Variants in ADGRB1 observed in about 807,000 individuals in gnomAD.
The protein encoded by ADGRB1 is brain-specific angiogenesis inhibitor 1.
ADGRB1 carries 36 observed loss-of-function variants against 175.7 expected under a neutral mutation model. The observed-to-expected ratio is 0.20, with a 90% confidence interval of 0.16 to 0.27. ADGRB1 has a LOEUF of 0.27. Among genes scored for constraint, ADGRB1 ranks in the 10% least tolerant of loss-of-function variants. The pLI is 1.00. For synonymous variants in ADGRB1, 1,054 were observed against 979.4 expected (o/e 1.08, Z -1.42); for missense variants, 1,731 against 2,255.3 (o/e 0.77, Z 4.71).
chr8:142,453,899 G>C (rs1839506032), intron 1 of ADGRB1, among the ~76,000 whole-genome samples: 1 of 152,184 alleles, frequency 6.6e-6, no homozygotes, highest in Admixed American at 6.5e-5. Flanking sequence ...GCAGAAGGAA[G>C]AGCCGGCAGT....
intron 2 of ADGRB1, among the ~76,000 whole-genome samples, chr8:142,469,365 G>A (rs1840474003): frequency 6.6e-6 from 1 of 151,782 alleles, no homozygotes; most frequent in Non-Finnish European, 1.5e-5. Context: ...ATGTGCACGT[G>A]CATGTGTGTG....
intron 23 of ADGRB1, 39 bp from the exon 24 acceptor site, chr8:142,526,503 G>GGCCCCCCCCCCCCC: frequency 2.9e-5 from 36 of 1,259,014 alleles, no homozygotes; most frequent in East Asian, 8.0e-5. Context: ...GCCTACGGCG[G>GGCCCCCCCCCCCCC]CCCCCACCCC....
intron 2 of ADGRB1, among the ~76,000 whole-genome samples, chr8:142,472,304 C>G (rs1047763424): frequency 1.3e-5 from 2 of 152,172 alleles, no homozygotes; most frequent in African/African-American, 4.8e-5. Context: ...CCCTGGGTGG[C>G]CAGGCTGCCT....
chr8:142,533,072 G>A (rs1407151418), intron 24 of ADGRB1, among the ~76,000 whole-genome samples: 3 of 152,124 alleles, frequency 2.0e-5, no homozygotes, highest in Admixed American at 1.3e-4. Flanking sequence ...GACAGGATTG[G>A]GGGAGTCCTG....
At position 142,524,314 on chromosome 8, in the gene ADGRB1, C is replaced by G; in HGVS notation, c.3312+10C>G. On this transcript the variant is annotated intron_variant, in intron 23 of 30. Transcript: ENST00000517894. ...CGCTGCCGTTGTGCTGGTACTGACC[C>G]GCCCAGGCCCCACTCCCCACGACCC... 2 of 1,586,716 alleles carry G rather than the reference C, an allele frequency of 1.3e-6. No homozygotes were observed. The highest frequency in any genetic ancestry group is 1.7e-6 in the Non-Finnish European group (2 of 1,172,514).
intron 1 of ADGRB1, among the ~76,000 whole-genome samples, chr8:142,452,049 G>T (rs1587228586): frequency 6.6e-6 from 1 of 152,186 alleles, no homozygotes; most frequent in South Asian, 2.1e-4. Flanking sequence ...GCAGCCCGCC[G>T]AGTCAGTCCC....
At chr8:142,521,065 C>G (rs1419273410) in intron 20 of ADGRB1, 140 bp downstream of exon 20, 1 of 779,638 alleles carries the variant, frequency 1.3e-6, no homozygotes, top group African/African-American at 1.7e-5. Context: ...GCCCCAGCTA[C>G]AGGGAGTTCC....
In ADGRB1 at chr8:142,464,105, GCCGGCCCTGCCCGCC is replaced by G; in HGVS notation, c.-93_-79del. Reference sequence around the variant, plus strand: ...TGCCCCGCCTCCCTGCCCCCACCGGGCCGGCCCTGCCCGCCGCCGGACCCTGGCATGTCAAGACCT... The same window carrying G: ...TGCCCCGCCTCCCTGCCCCCACCGGGGCCGGACCCTGGCATGTCAAGACCT... On this transcript the variant is annotated 5_prime_UTR_variant, in exon 2 of 31. Coordinates refer to ENST00000517894, the MANE Select transcript of ADGRB1 (RefSeq NM_001702.3). 4.6e-6 allele frequency: 5 copies of G among 1,098,034 alleles called. No homozygotes were observed. Among genetic ancestry groups the G allele is most frequent in the Non-Finnish European group, 5.7e-6 (5 of 874,968 alleles). 68.0% of individuals were successfully genotyped at this position (1,098,034 alleles called of 1,614,324 possible). A position where few individuals can be genotyped will look rare whatever the true frequency, so the allele number is the denominator to read the frequency against.
In ADGRB1 at chr8:142,483,368, G is replaced by GCTGAGCCCTGACCCTGGTCACACC. The variant is rs1841480972; in HGVS notation, c.2131-596_2131-573dup. Reference sequence around the variant, plus strand: ...CACTGAGCCCTGACCCTGGTCACACGCTGAGCCCTGACCCTGGTCACACCC... The same window carrying GCTGAGCCCTGACCCTGGTCACACC: ...CACTGAGCCCTGACCCTGGTCACACGCTGAGCCCTGACCCTGGTCACACCCTGAGCCCTGACCCTGGTCACACCC... On this transcript the variant is annotated intron_variant, in intron 11 of 30. Transcript: ENST00000517894. Among the ~76,000 whole-genome samples, 4 of 58,336 alleles carry GCTGAGCCCTGACCCTGGTCACACC rather than the reference G, an allele frequency of 6.9e-5. No homozygotes were observed. The Admixed American group carries it at 7.8e-4, about 11-fold the overall frequency. The allele number at this position is 58,336 out of a possible 152,430, so 38.3% of individuals were successfully genotyped here.
intron 17 of ADGRB1, among the ~76,000 whole-genome samples, chr8:142,506,506 G>A (rs1269515122): frequency 6.6e-6 from 1 of 152,208 alleles, no homozygotes; most frequent in Non-Finnish European, 1.5e-5. Context: ...AGGGGACCTC[G>A]CTCTGTGACC....
At chr8:142,459,205 GA>G (rs2131643031) in intron 1 of ADGRB1, among the ~76,000 whole-genome samples, 1 of 152,346 alleles carries the variant, frequency 6.6e-6, no homozygotes, top group African/African-American at 2.4e-5. Flanking sequence ...GATGAGGCTG[GA>G]AAAGCCTGCT....
At chr8:142,529,440 CAA>C (rs945294453) in intron 24 of ADGRB1, among the ~76,000 whole-genome samples, 33 of 152,260 alleles carry the variant, frequency 2.2e-4, no homozygotes, top group African/African-American at 7.9e-4. Context: ...GGTGTGCTCT[CAA>C]GTGTACTGAG....
Position 142,481,520 on chromosome 8 carries a change from C to T in ADGRB1, c.1939C>T (p.Arg647Trp), listed in dbSNP as rs775137279. 7 of 1,577,576 alleles carry T rather than the reference C, an allele frequency of 4.4e-6. No individual in the cohort carries two copies. The highest frequency in any genetic ancestry group is 2.7e-5 in the African/African-American group (2 of 74,086). Reference protein sequence around the residue: ...IDYRNIQMMTREHLAKAQRGL... With the variant: ...IDYRNIQMMTWEHLAKAQRGL... ...CCGCCCTCTCTGTCTTCCGCAGACCCGGGAGCACCTGGCCAAGGCTCAGCG... is the reference window on the plus strand; with the variant it reads ...CCGCCCTCTCTGTCTTCCGCAGACCTGGGAGCACCTGGCCAAGGCTCAGCG... The change falls in exon 11 of 31, where the codon CGG becomes TGG. Residue 647 changes from arginine to tryptophan, a missense_variant. This residue lies in a region of ADGRB1 where 388 missense variants were observed against 630.9 expected (regional missense o/e 0.61). Coordinates refer to ENST00000517894, the MANE Select transcript of ADGRB1 (RefSeq NM_001702.3).
chr8:142,488,894 C>T, intron 14 of ADGRB1, 141 bp from the exon 15 acceptor site: 1 of 1,052,622 alleles, frequency 9.5e-7, no homozygotes, highest in Non-Finnish European at 1.4e-6. Context: ...GGTGGGTGGG[C>T]CTCACCATCC....
intron 17 of ADGRB1, among the ~76,000 whole-genome samples, chr8:142,494,126 C>T (rs1294916722): frequency 3.3e-5 from 5 of 152,270 alleles, no homozygotes; most frequent in African/African-American, 1.2e-4. Context: ...TCACCATCAG[C>T]TGAGAAGTAG....
chr8:142,503,331 T>C (rs144323056), intron 17 of ADGRB1, among the ~76,000 whole-genome samples: 25 of 151,982 alleles, frequency 1.6e-4, no homozygotes, highest in East Asian at 9.7e-4. Flanking sequence ...TGGGATCTGC[T>C]AGAGCCAGGG....
At chr8:142,466,701 G>A (rs1840295735) in intron 2 of ADGRB1, among the ~76,000 whole-genome samples, 1 of 152,202 alleles carries the variant, frequency 6.6e-6, no homozygotes, top group Admixed American at 6.5e-5. Context: ...GAGTGTCAGG[G>A]GGACTGGGGA....
chr8:142,477,128 G>C lies in ADGRB1; in HGVS notation c.1072G>C (p.Glu358Gln). The change falls in exon 5 of 31, where the codon GAG becomes CAG. Residue 358 changes from glutamate (E) to glutamine (Q), a missense_variant. Glu to Gln is a conservative substitution (Grantham distance 29). This residue lies in a region of ADGRB1 where 178 missense variants were observed against 227.8 expected (regional missense o/e 0.78). Coordinates refer to ENST00000517894, the MANE Select transcript of ADGRB1 (RefSeq NM_001702.3). ...PAPQTGDPAA[E>Q]EWSPWSVCSS... is the part of the protein sequence containing the mutation. ...GGGGCCTGCAGGTGACCCAGCAGCC[G>C]AGGAGTGGTCCCCGTGGAGCGTGTG... is the stretch of plus-strand genomic sequence containing the variant. 1 of 1,579,930 alleles carries C rather than the reference G, an allele frequency of 6.3e-7. No individual in the cohort carries two copies. Among genetic ancestry groups the C allele is most frequent in the Non-Finnish European group, 8.6e-7 (1 of 1,168,978 alleles).
At chr8:142,489,199 G>GGGGCCT in intron 15 of ADGRB1, 89 bp downstream of exon 15, 3 of 1,543,992 alleles carry the variant, frequency 1.9e-6, no homozygotes, top group Non-Finnish European at 2.6e-6. Context: ...GGGAGGCCAG[G>GGGGCCT]GGGCCTGGAG....
Sources: gnomAD v4.1 joint callset for allele counts (sites outside exome capture counted in the v4.1 genomes callset) on GRCh38, gnomAD v4.1.1 for gene constraint, gnomAD v4.1.1 regional missense constraint, MANE v1.5 for transcripts, NCBI Gene and HGNC (gene_info 2026-07-23, HGNC 2026-07-21) for gene names.